Variants in ZBTB47 observed in about 807,000 individuals in gnomAD.
ZBTB47 encodes the protein zinc finger and BTB domain-containing protein 47.
ZBTB47 carries 24 observed loss-of-function variants against 56.6 expected under a neutral mutation model. The observed-to-expected ratio is 0.42, with a 90% CI of 0.31 to 0.60. The LOEUF is 0.60. ZBTB47 is among the 20% of genes least tolerant of loss of function. ZBTB47 has a pLI of 0.14. For synonymous variants in ZBTB47, 414 were observed against 418.9 expected, an observed-to-expected ratio of 0.99 and a Z score of 0.14; for missense variants, 829 against 1,032.6, an observed-to-expected ratio of 0.80 and a Z score of 2.70.
Position 42,663,724 on chromosome 3 carries a change from G to A in ZBTB47, c.1738-73G>A. On this transcript the variant is annotated intron_variant, in intron 4 of 5. Transcript: ENST00000232974. This position sits in a 1 kb window ranked among gnomAD's most constrained non-coding sequence, Gnocchi z 5.1. Reference sequence around the variant, plus strand: ...GTCCCTCCTTGGCCCTGTGGCCACAGGGGAGCTGTTCCCTCCACAAAGGCT... The same window carrying A: ...GTCCCTCCTTGGCCCTGTGGCCACAAGGGAGCTGTTCCCTCCACAAAGGCT... The A allele has an allele frequency of 6.4e-7, 1 of 1,571,376 alleles. No individual in the cohort carries two copies. Among genetic ancestry groups the A allele is most frequent in the Non-Finnish European group, 8.7e-7 (1 of 1,151,230 alleles).
rs202239621 is a variant in ZBTB47 at position 42,659,577 on chromosome 3, C to G, written c.1222C>G (p.Pro408Ala). 6.2e-7 allele frequency: 1 copy of G among 1,601,054 alleles called. No homozygotes were observed. The highest frequency in any genetic ancestry group is 8.5e-7 in the Non-Finnish European group (1 of 1,173,870). Residue 408 changes from proline (P) to alanine (A), a missense_variant, in exon 2 of 6, where the codon CCT becomes GCT. Pro to Ala is a conservative substitution (Grantham distance 27). Coordinates refer to ENST00000232974, the MANE Select transcript of ZBTB47 (RefSeq NM_145166.4). ...RRGGKRPKPP[P>A]GVASASARGP... ...GGGTGGGAAGAGGCCAAAGCCACCC[C>G]CTGGAGTGGCCTCTGCATCGGCCCG...
In ZBTB47 at chr3:42,659,129, G is replaced by T; in HGVS notation, c.774G>T (p.Gly258=). The change falls in exon 2 of 6, where the codon GGG becomes GGT. Residue 258 remains glycine (G), a synonymous_variant. Transcript: ENST00000232974. ...STGPEGKPGA[G]PSPATVVLGR... ...GGCCAGAGGGGAAGCCAGGTGCCGG[G>T]CCAAGCCCAGCCACCGTGGTTCTGG... 2 of 1,501,210 alleles carry T rather than the reference G, an allele frequency of 1.3e-6. No homozygotes were observed. Among genetic ancestry groups the T allele is most frequent in the Non-Finnish European group, 1.8e-6 (2 of 1,128,262 alleles). 93.0% of individuals were successfully genotyped at this position (1,501,210 alleles called of 1,614,324 possible).
Position 42,659,411 on chromosome 3 carries a change from G to C in ZBTB47, c.1056G>C (p.Glu352Asp), listed in dbSNP as rs1338543795. The C allele has an allele frequency of 2.8e-6, 4 of 1,441,584 alleles. No homozygotes were observed. The highest frequency in any genetic ancestry group is 3.6e-6 in the Non-Finnish European group (4 of 1,103,030). The allele number at this position is 1,441,584 out of a possible 1,614,324, so 89.3% of individuals were successfully genotyped here. Residue 352 changes from glutamate (E) to aspartate (D), a missense_variant, in exon 2 of 6, where the codon GAG (glutamate) becomes GAC (aspartate). Physicochemically the swap from Glu to Asp is conservative, Grantham distance 45. Transcript: ENST00000232974. ...GCTCTGAGGAGGAGGAGGGGGAGGA[G>C]GGGGAGGCTGGGGGCAAGCAGGGGC... is the stretch of plus-strand genomic sequence containing the variant. Reference protein sequence around the residue: ...QESSEEEEGEEGEAGGKQGPR... With the variant: ...QESSEEEEGEDGEAGGKQGPR...
Position 42,664,837 on chromosome 3 carries a change from C to G in ZBTB47, c.*239C>G, listed in dbSNP as rs1193466294. 2 of 363,302 alleles carry G rather than the reference C, an allele frequency of 5.5e-6. No individual in the cohort carries two copies. Among genetic ancestry groups the G allele is most frequent in the Non-Finnish European group, 9.1e-6 (2 of 219,340 alleles). 22.5% of individuals were successfully genotyped at this position (363,302 alleles called of 1,614,324 possible). A position where few individuals can be genotyped will look rare whatever the true frequency, so the allele number is the denominator to read the frequency against. ...CCCCCCTTTCTGTGACTCCTTGAAGCCTTTACTTTTTTTTTTTTTTGGAAG... is the reference window on the plus strand; with the variant it reads ...CCCCCCTTTCTGTGACTCCTTGAAGGCTTTACTTTTTTTTTTTTTTGGAAG... On this transcript the variant is annotated 3_prime_UTR_variant, in exon 6 of 6. Transcript: ENST00000232974.
intron 3 of ZBTB47, among the ~76,000 whole-genome samples, chr3:42,661,958 C>T (rs1710727543): frequency 6.6e-6 from 1 of 152,256 alleles, no homozygotes; most frequent in Admixed American, 6.5e-5. Flanking sequence ...GAAAAGAATA[C>T]CTTTTCCTAA....
intron 1 of ZBTB47, among the ~76,000 whole-genome samples, chr3:42,657,223 C>T (rs1219539902): frequency 6.6e-6 from 1 of 152,214 alleles, no homozygotes; most frequent in Non-Finnish European, 1.5e-5. Flanking sequence ...GGATGTGGCC[C>T]ACAGGCCTGA....
chr3:42,664,539 C>G lies in ZBTB47; in HGVS notation c.2185C>G (p.Pro729Ala). 2 of 1,414,968 alleles carry G rather than the reference C, an allele frequency of 1.4e-6. No homozygotes were observed. The highest frequency in any genetic ancestry group is 9.1e-7 in the Non-Finnish European group (1 of 1,096,708). 87.7% of individuals were successfully genotyped at this position (1,414,968 alleles called of 1,614,324 possible). A position where few individuals can be genotyped will look rare whatever the true frequency, so the allele number is the denominator to read the frequency against. The change falls in exon 6 of 6, where the codon CCG becomes GCG. Residue 729 changes from proline (P) to alanine (A), a missense_variant. Physicochemically the swap from Pro to Ala is conservative, Grantham distance 27. Transcript: ENST00000232974. The stretch of plus-strand genomic sequence containing the variant: ...GCCGCCCCCGCCCCACCTGCCGCCC[C>G]CGCCTCCGCTCTTCCCCACCACTGC... ...TLPPPPHLPP[P>A]PPLFPTTASP...
rs774749693 is a variant in ZBTB47 at position 42,659,458 on chromosome 3, G to A, written c.1103G>A (p.Arg368Gln). The A allele has an allele frequency of 6.1e-5, 92 of 1,507,202 alleles. No individual in the cohort carries two copies. Among genetic ancestry groups the A allele is most frequent in the Non-Finnish European group, 7.3e-5 (83 of 1,134,374 alleles). 93.4% of individuals were successfully genotyped at this position (1,507,202 alleles called of 1,614,324 possible). A position where few individuals can be genotyped will look rare whatever the true frequency, so the allele number is the denominator to read the frequency against. Residue 368 changes from arginine to glutamine, a missense_variant, in exon 2 of 6, where the codon CGG becomes CAG. Transcript: ENST00000232974. Reference protein sequence around the residue: ...KQGPRGSRSSRADPPPHSHMA... With the variant: ...KQGPRGSRSSQADPPPHSHMA... ...GGGCCACGGGGAAGCCGAAGCAGCCGGGCAGACCCCCCTCCCCACAGTCAC... is the reference window on the plus strand; with the variant it reads ...GGGCCACGGGGAAGCCGAAGCAGCCAGGCAGACCCCCCTCCCCACAGTCAC...
chr3:42,667,442 T>TGGCAGAATG lies in ZBTB47; in HGVS notation c.*2846_*2854dup, dbSNP rs1273956731. On this transcript the variant is annotated 3_prime_UTR_variant, in exon 6 of 6. Coordinates refer to ENST00000232974, the MANE Select transcript of ZBTB47 (RefSeq NM_145166.4). Reference sequence around the variant, plus strand: ...GTGCCCTTCACAGAGGGCTTGGTAGTGGCAGAATGGCCATGCCCAGGTGTG... The same window carrying TGGCAGAATG: ...GTGCCCTTCACAGAGGGCTTGGTAGTGGCAGAATGGGCAGAATGGCCATGCCCAGGTGTG... 6.6e-6 allele frequency among the ~76,000 whole-genome samples: 1 copy of TGGCAGAATG among 152,200 alleles called. No homozygotes were observed. Among genetic ancestry groups the TGGCAGAATG allele is most frequent in the Non-Finnish European group, 1.5e-5 (1 of 68,034 alleles).
chr3:42,655,142 G>A (rs1290665340), intron 1 of ZBTB47, among the ~76,000 whole-genome samples: 2 of 152,294 alleles, frequency 1.3e-5, no homozygotes, highest in East Asian at 3.9e-4. Context: ...TGTGACCTTG[G>A]GCAGATCCCC....
Position 42,658,633 on chromosome 3 carries a change from C to G in ZBTB47, c.278C>G (p.Ala93Gly). Residue 93 changes from alanine to glycine, a missense_variant, in exon 2 of 6, where the codon GCC (alanine) becomes GGC (glycine). This residue lies in a region of ZBTB47 where 120 missense variants were observed against 200.2 expected (regional missense o/e 0.60). Coordinates refer to ENST00000232974, the MANE Select transcript of ZBTB47 (RefSeq NM_145166.4). ...AANVHEVLSAASLLQMADIAA... is the reference protein window; with the variant it reads ...AANVHEVLSAGSLLQMADIAA... Reference sequence around the variant, plus strand: ...AACGTCCACGAGGTGCTCAGCGCCGCCTCATTGCTGCAGATGGCTGACATC... The same window carrying G: ...AACGTCCACGAGGTGCTCAGCGCCGGCTCATTGCTGCAGATGGCTGACATC... The G allele has an allele frequency of 6.5e-7, 1 of 1,536,932 alleles. No individual in the cohort carries two copies. The highest frequency in any genetic ancestry group is 8.7e-7 in the Non-Finnish European group (1 of 1,146,930).
chr3:42,658,352 C>A lies in ZBTB47; in HGVS notation c.-4C>A. 1 of 1,530,564 alleles carries A rather than the reference C, an allele frequency of 6.5e-7. No individual in the cohort carries two copies. Among genetic ancestry groups the A allele is most frequent in the Non-Finnish European group, 8.7e-7 (1 of 1,143,088 alleles). 94.8% of individuals were successfully genotyped at this position (1,530,564 alleles called of 1,614,324 possible). A position where few individuals can be genotyped will look rare whatever the true frequency, so the allele number is the denominator to read the frequency against. On this transcript the variant is annotated 5_prime_UTR_variant, in exon 2 of 6. Coordinates refer to ENST00000232974, the MANE Select transcript of ZBTB47 (RefSeq NM_145166.4). ...AGGACGTGGCGCTGCACTTTGCCTG[C>A]TTGATGGGCCGCCTGAACGAGCAGC...
intron 1 of ZBTB47, among the ~76,000 whole-genome samples, chr3:42,657,355 G>A (rs1336990872): frequency 6.6e-6 from 1 of 152,244 alleles, no homozygotes; most frequent in African/African-American, 2.4e-5. Flanking sequence ...CCTGGGGTCT[G>A]GGGGTCTACC....
In ZBTB47 at chr3:42,664,514, G is replaced by T; in HGVS notation, c.2160G>T (p.Leu720=). The T allele has an allele frequency of 1.4e-6, 2 of 1,379,762 alleles. No individual in the cohort carries two copies. Among genetic ancestry groups the T allele is most frequent in the Non-Finnish European group, 1.9e-6 (2 of 1,069,756 alleles). 85.5% of individuals were successfully genotyped at this position (1,379,762 alleles called of 1,614,324 possible). The change falls in exon 6 of 6, where the codon CTG becomes CTT. Residue 720 remains leucine (L), a synonymous_variant. Transcript: ENST00000232974. ...LPLLPGLPQT[L]PPPPHLPPPP... The stretch of plus-strand genomic sequence containing the variant: ...TGCTCCCGGGGCTGCCCCAGACCCT[G>T]CCGCCCCCGCCCCACCTGCCGCCCC...
chr3:42,660,995 G>A (rs1710709377), intron 2 of ZBTB47, among the ~76,000 whole-genome samples: 1 of 152,164 alleles, frequency 6.6e-6, no homozygotes, highest in Non-Finnish European at 1.5e-5. Flanking sequence ...GCCTCCTGCT[G>A]TCCTCCTCAG....
chr3:42,660,013 C>G (rs1342408466), intron 2 of ZBTB47, among the ~76,000 whole-genome samples, 185 bp downstream of exon 2: 4 of 152,200 alleles, frequency 2.6e-5, no homozygotes, highest in Non-Finnish European at 5.9e-5. Flanking sequence ...GGGGTAACAT[C>G]AAGCCGAGCT....
intron 5 of ZBTB47, 112 bp downstream of exon 5, chr3:42,664,053 C>A: frequency 6.8e-7 from 1 of 1,476,188 alleles, no homozygotes; most frequent in Non-Finnish European, 9.1e-7. Context: ...TCTGGGCCTC[C>A]GTTTACCCAT....
In ZBTB47 at chr3:42,663,236, C is replaced by A; in HGVS notation, c.1737+109C>A. ...AGGGCTAGGGGGTGGAATGTAGTGT[C>A]CAGAAAGAGAGAGCCCTGCCCTCTG... On this transcript the variant is annotated intron_variant, in intron 4 of 5. Coordinates refer to ENST00000232974, the MANE Select transcript of ZBTB47 (RefSeq NM_145166.4). The surrounding 1 kb of genome is among the most constrained non-coding windows in gnomAD (Gnocchi z 5.1). 1 of 811,086 alleles carries A rather than the reference C, an allele frequency of 1.2e-6. No homozygotes were observed. Among genetic ancestry groups the A allele is most frequent in the East Asian group, 2.6e-5 (1 of 38,392 alleles). The allele number at this position is 811,086 out of a possible 1,614,324, so 50.2% of individuals were successfully genotyped here.
chr3:42,664,140 TG>T, intron 5 of ZBTB47, 96 bp from the exon 6 acceptor site: 3 of 1,528,414 alleles, frequency 2.0e-6, no homozygotes, highest in Non-Finnish European at 2.6e-6. Context: ...GCGCCGGGGC[TG>T]GGCCCCACTA....
Sources: allele counts gnomAD v4.1 joint callset (sites outside exome capture counted in the v4.1 genomes callset), GRCh38; gene constraint gnomAD v4.1.1; regional missense constraint gnomAD v4.1.1; non-coding constraint Gnocchi (gnomAD v3.1); transcripts MANE v1.5; gene names NCBI Gene and HGNC (gene_info 2026-07-23, HGNC 2026-07-21).